The following TECTB variants were observed in gnomAD, a reference collection of about 807,000 sequenced individuals.
TECTB encodes beta-tectorin.
A neutral mutation model predicts 43.3 loss-of-function variants in TECTB; 45 were observed. That is an observed-to-expected ratio of 1.04 (90% confidence interval 0.82 to 1.33). TECTB has a LOEUF of 1.33. Ranked by LOEUF, TECTB falls within the 40% of genes most tolerant of loss-of-function variation. TECTB has a pLI of 0.00. For missense variants in TECTB, 399 were observed against 404.7 expected, an observed-to-expected ratio of 0.99 and a Z score of 0.12; for synonymous variants, 169 against 156.7, an observed-to-expected ratio of 1.08 and a Z score of -0.59.
intron 5 of TECTB, among the ~76,000 whole-genome samples, chr10:112,292,844 A>T (rs990030900): frequency 6.6e-6 from 1 of 150,420 alleles, no homozygotes; most frequent in African/African-American, 2.5e-5. Context: ...CTCCAGCCAC[A>T]CTGGCCTCCT....
chr10:112,303,011 A>G, intron 10 of TECTB: 1 of 501,378 alleles, frequency 2.0e-6, no homozygotes, highest in Non-Finnish European at 3.6e-6. Context: ...TTTAAGTTCT[A>G]CACTGAAAGC....
intron 5 of TECTB, 52 bp from the exon 6 acceptor site, chr10:112,293,686 T>C (rs1054362269): frequency 1.2e-5 from 18 of 1,536,156 alleles, no homozygotes; most frequent in Non-Finnish European, 1.4e-5. Flanking sequence ...CTGGTAGACC[T>C]AGCTGCTCAA....
chr10:112,284,875 G>C, intron 3 of TECTB, 150 bp downstream of exon 3: 1 of 680,792 alleles, frequency 1.5e-6, no homozygotes, highest in Non-Finnish European at 2.2e-6. Context: ...TGGAATGTTG[G>C]TGTTATTTAA....
At chr10:112,298,324 G>A in intron 8 of TECTB, 93 bp downstream of exon 8, 1 of 1,486,718 alleles carries the variant, frequency 6.7e-7, no homozygotes, top group Non-Finnish European at 9.1e-7. Context: ...AACCAGGCCA[G>A]GGCAGCTGTG....
Position 112,304,558 on chromosome 10 carries a change from A to G in TECTB, c.*1246A>G, listed in dbSNP as rs575813411. 6.6e-6 allele frequency: 1 copy of G among 152,240 alleles called. No individual in the cohort carries two copies. The allele number at this position is 152,240 out of a possible 1,614,324, so 9.4% of individuals were successfully genotyped here. On this transcript the variant is annotated 3_prime_UTR_variant, in exon 11 of 11. Transcript: ENST00000646139. ...GAGTTCTAAGTCCTTAGTTATGTAA[A>G]GACTTAATTAGTAGGCTTATAATTT...
chr10:112,300,220 C>CAGAA (rs1176838529), intron 9 of TECTB, among the ~76,000 whole-genome samples: 6 of 46,134 alleles, frequency 1.3e-4, no homozygotes, highest in Admixed American at 5.5e-4. Flanking sequence ...GACAGACAGA[C>CAGAA]AGAAAGAAAT....
rs746313731 is a variant in TECTB at position 112,283,732 on chromosome 10, G to C, written c.-3G>C. 3 of 1,613,792 alleles carry C rather than the reference G, an allele frequency of 1.9e-6. No homozygotes were observed. The highest frequency in any genetic ancestry group is 1.7e-6 in the Non-Finnish European group (2 of 1,179,842). ...CCTGGCAGAGACCAGGTTCTGAGAAGCAATGGTGACGAAGGCCTTTGTCTT... is the reference window on the plus strand; with the variant it reads ...CCTGGCAGAGACCAGGTTCTGAGAACCAATGGTGACGAAGGCCTTTGTCTT... On this transcript the variant is annotated 5_prime_UTR_variant, in exon 2 of 11. Coordinates refer to ENST00000646139, the MANE Select transcript of TECTB (RefSeq NM_058222.3).
chr10:112,298,335 T>G, intron 8 of TECTB, 104 bp downstream of exon 8: 1 of 1,422,936 alleles, frequency 7.0e-7, no homozygotes, highest in Non-Finnish European at 9.6e-7. Context: ...GGCAGCTGTG[T>G]GCTGAGGACA....
chr10:112,296,900 G>A (rs1848551625), intron 7 of TECTB, among the ~76,000 whole-genome samples: 1 of 152,128 alleles, frequency 6.6e-6, no homozygotes, highest in Admixed American at 6.5e-5. Flanking sequence ...GCCTGCTATG[G>A]TGCTATTCAG....
In TECTB at chr10:112,294,054, A is replaced by G; in HGVS notation, c.664A>G (p.Asn222Asp). The G allele has an allele frequency of 6.2e-7, 1 of 1,614,044 alleles. No homozygotes were observed. Among genetic ancestry groups the G allele is most frequent in the Non-Finnish European group, 8.5e-7 (1 of 1,179,902 alleles). Residue 222 changes from asparagine (N) to aspartate (D), a missense_variant, in exon 7 of 11, where the codon AAC becomes GAC. Transcript: ENST00000646139. ...FMYPLQWQLINKGCPTDETVL... is the reference protein window; with the variant it reads ...FMYPLQWQLIDKGCPTDETVL... ...GTATCCCTTGCAGTGGCAGCTGATC[A>G]ACAAGGGGTAGGTACACTATCTAGA... is the stretch of plus-strand genomic sequence containing the variant.
rs373335313 is a variant in TECTB, at chr10:112,302,248, T to G, written c.940+115T>G. ...CAAAACTTTTAAGGATTGAAAATTA[T>G]ACTTTAAAGCACACCTGAGTGGCGC... On this transcript the variant is annotated intron_variant, in intron 10 of 10. Coordinates refer to ENST00000646139, the MANE Select transcript of TECTB (RefSeq NM_058222.3). 6.1e-6 allele frequency: 8 copies of G among 1,319,928 alleles called. No homozygotes were observed. In the African/African-American group the frequency reaches 8.8e-5, roughly 15 times the overall value. The allele number at this position is 1,319,928 out of a possible 1,614,324, so 81.8% of individuals were successfully genotyped here.
At chr10:112,284,483 G>A (rs1848438131) in intron 2 of TECTB, 52 bp from the exon 3 acceptor site, 4 of 1,491,014 alleles carry the variant, frequency 2.7e-6, no homozygotes, top group Non-Finnish European at 3.6e-6. Context: ...TCGTTACGTA[G>A]GTTAGCATGA....
chr10:112,293,527 C>T (rs1381923881), intron 5 of TECTB, among the ~76,000 whole-genome samples: 13 of 152,134 alleles, frequency 8.5e-5, no homozygotes, highest in Admixed American at 8.5e-4. Flanking sequence ...ATCTAGAATA[C>T]GTGATTATAT....
chr10:112,299,606 T>TCAC, intron 9 of TECTB, 42 bp downstream of exon 9: 1 of 1,606,538 alleles, frequency 6.2e-7, no homozygotes, highest in Non-Finnish European at 8.5e-7. Flanking sequence ...ACGGTTGAGT[T>TCAC]CACGCTGGGC....
chr10:112,299,407 A>C, intron 8 of TECTB, 85 bp from the exon 9 acceptor site: 1 of 1,350,686 alleles, frequency 7.4e-7, no homozygotes, highest in Non-Finnish European at 1.0e-6. Flanking sequence ...TTTTTAAAAT[A>C]TCTTTTCTTT....
intron 9 of TECTB, 125 bp from the exon 10 acceptor site, chr10:112,301,976 G>A (rs530037272): frequency 6.1e-6 from 7 of 1,147,254 alleles, no homozygotes; most frequent in South Asian, 4.5e-5. Flanking sequence ...CTCCCAAAGT[G>A]CTGGGATTAC....
intron 5 of TECTB, among the ~76,000 whole-genome samples, chr10:112,289,265 C>T (rs919525431): frequency 6.6e-6 from 1 of 152,124 alleles, no homozygotes; most frequent in African/African-American, 2.4e-5. Context: ...ACATCGATGT[C>T]AGTGTTGGAT....
At chr10:112,299,444 C>A (rs754802904) in intron 8 of TECTB, 48 bp from the exon 9 acceptor site, 3 of 1,586,246 alleles carry the variant, frequency 1.9e-6, no homozygotes, top group Admixed American at 3.3e-5. Flanking sequence ...GCTCACGCAT[C>A]ATCCCACCTT....
chr10:112,300,216 C>CAGAA (rs1848587353), intron 9 of TECTB, among the ~76,000 whole-genome samples: 5 of 73,724 alleles, frequency 6.8e-5, no homozygotes, highest in Non-Finnish European at 1.4e-4. Context: ...GACAGACAGA[C>CAGAA]AGACAGAAAG....
Sources: gnomAD v4.1 joint callset for allele counts (sites outside exome capture counted in the v4.1 genomes callset) on GRCh38, gnomAD v4.1.1 for gene constraint, MANE v1.5 for transcripts, NCBI Gene and HGNC (gene_info 2026-07-23, HGNC 2026-07-21) for gene names.